The following SIMC1 variants were observed in gnomAD, a reference collection of about 807,000 sequenced individuals.
SIMC1 encodes SUMO-interacting motif-containing protein 1.
Under a neutral mutation model 82.3 loss-of-function variants are expected in SIMC1, and 55 were observed. The observed-to-expected ratio is 0.67, with a 90% confidence interval of 0.54 to 0.84. SIMC1 has a LOEUF of 0.84. SIMC1 is among the 40% of genes least tolerant of loss of function. SIMC1 has a pLI of 0.00. For missense variants in SIMC1, 915 were observed against 1,107.2 expected (o/e 0.83, Z 2.46); for synonymous variants, 353 against 426.3 (o/e 0.83, Z 2.12).
chr5:176,263,324 G>A lies in SIMC1; in HGVS notation c.129+24687G>A, dbSNP rs1762078756. On this transcript the variant is annotated intron_variant, in intron 1 of 9. Transcript: ENST00000429602. ...ATGGAGGGACAAAAGATTCAGAATA[G>A]CTGTCTTAGTTCATTTTGCATTGCT... 5 of 867,440 alleles carry A rather than the reference G, an allele frequency of 5.8e-6. No homozygotes were observed. The Admixed American group carries it at 1.3e-4, about 22-fold the overall frequency. 53.7% of individuals were successfully genotyped at this position (867,440 alleles called of 1,614,324 possible). A position where few individuals can be genotyped will look rare whatever the true frequency, so the allele number is the denominator to read the frequency against.
chr5:176,321,537 G>GT (rs1765158558), intron 5 of SIMC1, among the ~76,000 whole-genome samples: 1 of 151,958 alleles, frequency 6.6e-6, no homozygotes, highest in Non-Finnish European at 1.5e-5. Flanking sequence ...TATTAGTGGG[G>GT]TTTTAGGAGG....
chr5:176,249,896 G>T lies in SIMC1; in HGVS notation c.129+11259G>T, dbSNP rs1341250660. 4.7e-5 allele frequency among the ~76,000 whole-genome samples: 7 copies of T among 149,234 alleles called. 1 individual carries two copies. In the East Asian group the frequency reaches 1.2e-3, roughly 25 times the overall value. ...CCTGAATTCATTGATTTTTTGAAGG[G>T]TTTTTCATGTCTCTTATCTCCTTCA... On this transcript the variant is annotated intron_variant, in intron 1 of 9. Transcript: ENST00000429602.
At position 176,345,261 on chromosome 5, in the gene SIMC1, A is replaced by G; in HGVS notation, c.2492A>G (p.Asp831Gly). ...AAGCCCAAACCCCAGCAAGGAGATGACATCACAGTGGTAGACGTAGAGAAG... is the reference window on the plus strand; with the variant it reads ...AAGCCCAAACCCCAGCAAGGAGATGGCATCACAGTGGTAGACGTAGAGAAG... ...RIKPKPQQGD[D>G]ITVVDVEKQI... The change falls in exon 10 of 10, where the codon GAC becomes GGC. Residue 831 changes from aspartate to glycine, a missense_variant. Physicochemically the swap from Asp to Gly is moderately conservative, Grantham distance 94. Around this residue, in one of 2 missense-constraint regions of SIMC1, gnomAD observed 902 missense variants for 1,040.3 expected, o/e 0.87. Transcript: ENST00000429602. 1 of 1,614,046 alleles carries G rather than the reference A, an allele frequency of 6.2e-7. No homozygotes were observed. The highest frequency in any genetic ancestry group is 8.5e-7 in the Non-Finnish European group (1 of 1,179,894).
At chr5:176,333,666 T>C (rs1765767120) in intron 7 of SIMC1, among the ~76,000 whole-genome samples, 1 of 152,214 alleles carries the variant, frequency 6.6e-6, no homozygotes, top group South Asian at 2.1e-4. Context: ...CTGACCTCAG[T>C]TGATTCCCCC....
At chr5:176,273,153 C>G (rs1162076632) in intron 1 of SIMC1, among the ~76,000 whole-genome samples, 5 of 152,218 alleles carry the variant, frequency 3.3e-5, no homozygotes, top group African/African-American at 1.2e-4. Flanking sequence ...TCCCTGACCC[C>G]TGAGTAGCCT....
chr5:176,303,661 C>A, intron 4 of SIMC1, among the ~76,000 whole-genome samples: 1 of 152,272 alleles, frequency 6.6e-6, no homozygotes, highest in Admixed American at 6.5e-5. Context: ...AGTTGGAGTT[C>A]TCACACTTCT....
At position 176,296,259 on chromosome 5, in the gene SIMC1, C is replaced by T. The variant is rs200745343; in HGVS notation, c.1673C>T (p.Pro558Leu). ...MLLMKIQQLH[P>L]ANAKTVEWDW... ...TTTCACTTGACTTTCAGGCTACATC[C>T]AGCCAATGCCAAGACAGTGGAGTGG... The change falls in exon 4 of 10, where the codon CCA becomes CTA. Residue 558 changes from proline (P) to leucine (L), a missense_variant. Transcript: ENST00000429602. 1.2e-6 allele frequency: 2 copies of T among 1,612,768 alleles called. No homozygotes were observed. The highest frequency in any genetic ancestry group is 1.1e-5 in the South Asian group (1 of 91,020).
intron 9 of SIMC1, among the ~76,000 whole-genome samples, chr5:176,337,460 G>A (rs551989931): frequency 6.6e-6 from 1 of 152,306 alleles, no homozygotes; most frequent in South Asian, 2.1e-4. Flanking sequence ...CAGGCGTGGT[G>A]GTGTATGCCT....
intron 1 of SIMC1, among the ~76,000 whole-genome samples, chr5:176,244,694 G>A (rs4304091): frequency 4.5e-5 from 6 of 133,432 alleles, no homozygotes; most frequent in African/African-American, 1.1e-4. Flanking sequence ...CTGTTGCAGT[G>A]TTATAATGTT....
rs1177949885 is a variant in SIMC1 at position 176,306,183 on chromosome 5, G to A, written c.1735-7508G>A. On this transcript the variant is annotated intron_variant, in intron 4 of 9. Transcript: ENST00000429602. ...AGGTGGGGGCGTCAGCCCCCTGCCC[G>A]GCCAGCCGCCCCGTCCGGGAGGTGA... 6.5e-5 allele frequency among the ~76,000 whole-genome samples: 4 copies of A among 61,872 alleles called. 1 individual carries two copies. The highest frequency in any genetic ancestry group is 2.3e-4 in the African/African-American group (4 of 17,354). The allele number at this position is 61,872 out of a possible 152,430, so 40.6% of individuals were successfully genotyped here.
chr5:176,301,778 CAAA>C (rs528674679), intron 4 of SIMC1, among the ~76,000 whole-genome samples: 4 of 98,478 alleles, frequency 4.1e-5, no homozygotes, highest in Admixed American at 1.0e-4. Flanking sequence ...GACTCTGTCT[CAAA>C]AAAAAAAAAA....
At chr5:176,335,609 AG>A (rs80280152) in intron 7 of SIMC1, among the ~76,000 whole-genome samples, 17,783 of 152,104 alleles carry the variant, frequency 0.12, 1,097 homozygotes, top group Admixed American at 0.15. Flanking sequence ...GAATTGCTCT[AG>A]GTAATTCTAC....
intron 4 of SIMC1, chr5:176,309,121 G>A (rs1351407900): frequency 1.4e-4 from 88 of 642,354 alleles, no homozygotes; most frequent in Non-Finnish European, 1.1e-5. Context: ...CTGACTTCAA[G>A]ACTTACTATA....
At chr5:176,344,175 C>T (rs1581342385) in intron 9 of SIMC1, among the ~76,000 whole-genome samples, 1 of 152,106 alleles carries the variant, frequency 6.6e-6, no homozygotes, top group Non-Finnish European at 1.5e-5. Flanking sequence ...TTAGATTGAG[C>T]CAGGATACGG....
At chr5:176,260,949 G>A (rs1761992488) in intron 1 of SIMC1, 1 of 152,276 alleles carries the variant, frequency 6.6e-6, no homozygotes. Flanking sequence ...CTCAAATTTA[G>A]TGAAGATGGC....
At chr5:176,322,979 G>A (rs1007426691) in intron 6 of SIMC1, among the ~76,000 whole-genome samples, 36 of 152,088 alleles carry the variant, frequency 2.4e-4, no homozygotes, top group Admixed American at 1.9e-3. Context: ...GAGAGATGCC[G>A]GGAGATTAGG....
chr5:176,337,924 A>G (rs141855355), intron 9 of SIMC1, among the ~76,000 whole-genome samples: 1 of 152,294 alleles, frequency 6.6e-6, no homozygotes, highest in African/African-American at 2.4e-5. Flanking sequence ...GTTGACCAGG[A>G]TAATGATGGA....
intron 1 of SIMC1, among the ~76,000 whole-genome samples, chr5:176,255,994 T>C (rs1761841379): frequency 6.6e-6 from 1 of 152,070 alleles, no homozygotes; most frequent in African/African-American, 2.4e-5. Flanking sequence ...GCAAATCACA[T>C]GAAACAAGAT....
At chr5:176,326,306 C>G (rs1387976627) in intron 7 of SIMC1, among the ~76,000 whole-genome samples, 2 of 151,998 alleles carry the variant, frequency 1.3e-5, no homozygotes, top group Non-Finnish European at 2.9e-5. Flanking sequence ...TTAAAATACT[C>G]TGGTAAGATT....
Sources: allele counts gnomAD v4.1 joint callset (sites outside exome capture counted in the v4.1 genomes callset), GRCh38; gene constraint gnomAD v4.1.1; regional missense constraint gnomAD v4.1.1; transcripts MANE v1.5; gene names NCBI Gene and HGNC (gene_info 2026-07-23, HGNC 2026-07-21).